The following PLEKHH2 variants were observed in gnomAD, a reference collection of about 807,000 sequenced individuals.
The protein encoded by PLEKHH2 is pleckstrin homology domain-containing family H member 2.
A neutral mutation model predicts 187.9 loss-of-function variants in PLEKHH2; 129 were observed. The observed-to-expected ratio is 0.69, with a 90% CI of 0.59 to 0.79. The LOEUF is 0.79. Among genes scored for constraint, PLEKHH2 ranks in the 30% least tolerant of loss-of-function variants. PLEKHH2 has a pLI of 0.00. For synonymous variants in PLEKHH2, 686 were observed against 605.6 expected, an observed-to-expected ratio of 1.13 and a Z score of -1.95; for missense variants, 2,076 against 1,751.2, an observed-to-expected ratio of 1.19 and a Z score of -3.31.
chr2:43,716,434 A>G (rs1263826120), intron 15 of PLEKHH2, among the ~76,000 whole-genome samples: 1 of 152,198 alleles, frequency 6.6e-6, no homozygotes, highest in Non-Finnish European at 1.5e-5. Context: ...AGTGGGGAAA[A>G]GGGTGGAGAA....
At chr2:43,646,871 G>C (rs1333984380) in intron 2 of PLEKHH2, among the ~76,000 whole-genome samples, 1 of 150,218 alleles carries the variant, frequency 6.7e-6, no homozygotes, top group Non-Finnish European at 1.5e-5. Flanking sequence ...TTCTTTGGCA[G>C]ATCTAAGAGA....
chr2:43,758,577 T>C (rs1672306852), intron 26 of PLEKHH2, among the ~76,000 whole-genome samples: 1 of 152,184 alleles, frequency 6.6e-6, no homozygotes, highest in Non-Finnish European at 1.5e-5. Context: ...AAAATGAAAA[T>C]ATTCCCATGA....
chr2:43,659,135 G>T (rs182927976), intron 2 of PLEKHH2, among the ~76,000 whole-genome samples: 14 of 150,526 alleles, frequency 9.3e-5, no homozygotes, highest in Non-Finnish European at 2.9e-5. Flanking sequence ...ACCATGCCTG[G>T]CTAATTTTTG....
At chr2:43,693,857 C>G (rs1011119337) in intron 4 of PLEKHH2, among the ~76,000 whole-genome samples, 3 of 151,484 alleles carry the variant, frequency 2.0e-5, no homozygotes, top group African/African-American at 7.3e-5. Flanking sequence ...GCATTTTTTC[C>G]CCATTTCTTG....
intron 2 of PLEKHH2, among the ~76,000 whole-genome samples, chr2:43,652,367 C>T (rs1179474771): frequency 1.3e-5 from 2 of 152,166 alleles, no homozygotes; most frequent in Non-Finnish European, 2.9e-5. Flanking sequence ...GAAGGAGGAG[C>T]TCAAGCCTTA....
intron 2 of PLEKHH2, among the ~76,000 whole-genome samples, chr2:43,677,861 G>C (rs546871301): frequency 2.8e-5 from 4 of 145,102 alleles, no homozygotes; most frequent in Non-Finnish European, 6.1e-5. Flanking sequence ...CGGACGGGGC[G>C]GCTGGCCGGG....
intron 18 of PLEKHH2, among the ~76,000 whole-genome samples, chr2:43,731,228 G>T (rs1019359771): frequency 1.3e-5 from 2 of 152,052 alleles, no homozygotes; most frequent in Non-Finnish European, 2.9e-5. Flanking sequence ...ACTTACTCAT[G>T]TAACCACATA....
chr2:43,652,208 C>T (rs1558419853), intron 2 of PLEKHH2, among the ~76,000 whole-genome samples: 1 of 152,156 alleles, frequency 6.6e-6, no homozygotes, highest in Non-Finnish European at 1.5e-5. Context: ...AGTTGCTAGA[C>T]ATTTGGCAGA....
At chr2:43,764,928 A>T (rs908713303) in intron 29 of PLEKHH2, among the ~76,000 whole-genome samples, 26 of 152,222 alleles carry the variant, frequency 1.7e-4, no homozygotes, top group African/African-American at 6.3e-4. Context: ...AGCTGTCTTA[A>T]TGTTATCAGA....
At chr2:43,725,528 G>A (rs918928738) in intron 16 of PLEKHH2, among the ~76,000 whole-genome samples, 1 of 152,150 alleles carries the variant, frequency 6.6e-6, no homozygotes, top group Non-Finnish European at 1.5e-5. Context: ...ACTGCCTGGG[G>A]TTAGAAAAGG....
chr2:43,713,099 A>AACACAAACACAC (rs142157967), intron 15 of PLEKHH2, among the ~76,000 whole-genome samples: 1 of 150,676 alleles, frequency 6.6e-6, no homozygotes, highest in African/African-American at 2.4e-5. Context: ...ATATCAAATC[A>AACACAAACACAC]ACACACACAC....
intron 29 of PLEKHH2, 139 bp from the exon 30 acceptor site, chr2:43,765,274 A>T (rs568625278): frequency 4.1e-6 from 3 of 724,076 alleles, no homozygotes; most frequent in Non-Finnish European, 6.6e-6. Context: ...TAAGCACTTC[A>T]TTGTTTGATC....
At chr2:43,721,878 C>G (rs762782435) in intron 16 of PLEKHH2, among the ~76,000 whole-genome samples, 17 of 151,918 alleles carry the variant, frequency 1.1e-4, no homozygotes, top group Non-Finnish European at 2.4e-4. Context: ...CAGGATGAGA[C>G]CCTGTCTCAA....
Position 43,699,959 on chromosome 2 carries a change from CTA to C in PLEKHH2, c.1005_1006del (p.Phe336Ter). On this transcript the variant is annotated frameshift_variant, in exon 8 of 30. Transcript: ENST00000282406. LOFTEE classifies it high-confidence loss of function. The stretch of plus-strand genomic sequence containing the variant: ...CTGACAGCATCTGATGACAGCAGCT[CTA>C]TATTTGAGGAAGAGACTTTTGGCAT... The C allele has an allele frequency of 6.2e-7, 1 of 1,614,088 alleles. No individual in the cohort carries two copies. The highest frequency in any genetic ancestry group is 8.5e-7 in the Non-Finnish European group (1 of 1,180,006).
chr2:43,718,907 G>T (rs1560599), intron 15 of PLEKHH2, among the ~76,000 whole-genome samples: 28,623 of 152,068 alleles, frequency 0.19, 3,134 homozygotes, highest in Middle Eastern at 0.29. Context: ...CCATCAAACC[G>T]TTAGGTGGTG....
chr2:43,675,571 A>C (rs779262397), intron 2 of PLEKHH2: 13 of 1,613,748 alleles, frequency 8.1e-6, no homozygotes, highest in African/African-American at 1.3e-5. Flanking sequence ...CTCTTCAATA[A>C]GCTGTGCGAT....
chr2:43,750,779 C>G (rs61339341), intron 24 of PLEKHH2, among the ~76,000 whole-genome samples: 1 of 152,188 alleles, frequency 6.6e-6, no homozygotes, highest in Non-Finnish European at 1.5e-5. Context: ...TAGCAATTCT[C>G]ACGTACCATT....
At chr2:43,681,053 AT>A in intron 3 of PLEKHH2, 2 of 1,290,672 alleles carry the variant, frequency 1.5e-6, no homozygotes, top group Non-Finnish European at 2.1e-6. Context: ...TTCCTGTACC[AT>A]TATGATTCCA....
rs1487396673 is a variant in PLEKHH2, at chr2:43,695,145, G to A, written c.423G>A (p.Leu141=). Residue 141 remains leucine (L), a splice_region_variant and synonymous_variant, in exon 6 of 30, where the codon CTG becomes CTA. Transcript: ENST00000282406. The part of the protein sequence containing the change: ...KEWVTVKLNE[L]ELENQNLRLI... ...AGAATACCATTATGTTCTCTTAGCT[G>A]GAATTGGAGAATCAGAATCTTCGTT... 1 of 1,576,482 alleles carries A rather than the reference G, an allele frequency of 6.3e-7. No homozygotes were observed. Among genetic ancestry groups the A allele is most frequent in the Non-Finnish European group, 8.7e-7 (1 of 1,153,390 alleles).
Sources: gnomAD v4.1 joint callset for allele counts (sites outside exome capture counted in the v4.1 genomes callset) on GRCh38, gnomAD v4.1.1 for gene constraint, MANE v1.5 for transcripts, NCBI Gene and HGNC (gene_info 2026-07-23, HGNC 2026-07-21) for gene names.